The following PAMR1 variants were observed in gnomAD, a reference collection of about 807,000 sequenced individuals.
PAMR1 encodes the protein inactive serine protease PAMR1.
In PAMR1, 88 loss-of-function variants were observed where a neutral mutation model predicts 81.8. The observed-to-expected ratio is 1.08, with a 90% CI of 0.91 to 1.28. The LOEUF (loss-of-function observed/expected upper bound fraction) is 1.28. Ranked by LOEUF, PAMR1 falls within the 50% of genes most tolerant of loss-of-function variation. The probability of loss-of-function intolerance (pLI) is 0.00; values close to 1 mark genes in which losing one functional copy is unlikely to be tolerated. For synonymous variants in PAMR1, 336 were observed against 345.3 expected (o/e 0.97, Z 0.30); for missense variants, 935 against 919.7 (o/e 1.02, Z -0.21).
chr11:35,492,165 T>C lies in PAMR1; in HGVS notation c.259A>G (p.Ile87Val), dbSNP rs1377439982. The C allele has an allele frequency of 6.2e-7, 1 of 1,614,126 alleles. No homozygotes were observed. Among genetic ancestry groups the C allele is most frequent in the South Asian group, 1.1e-5 (1 of 91,076 alleles). Residue 87 changes from isoleucine to valine, a missense_variant, in exon 3 of 11, where the codon ATC becomes GTC. By Grantham distance (29) the Ile-to-Val change is conservative (BLOSUM62 3). Coordinates refer to ENST00000619888, the MANE Select transcript of PAMR1 (RefSeq NM_001001991.3). ...DSCLIHPGCT[I>V]FENCKSCRNG... ...CGGCAGCTCTTGCAGTTTTCAAAGA[T>C]GGTACAACCTGAAACATTCCCAAGA... is the stretch of plus-strand genomic sequence containing the variant.
At chr11:35,521,032 C>G (rs903696146) in intron 1 of PAMR1, among the ~76,000 whole-genome samples, 2 of 152,148 alleles carry the variant, frequency 1.3e-5, no homozygotes, top group Non-Finnish European at 2.9e-5. Flanking sequence ...GAGGGACTTA[C>G]GCGCTCTAGG....
chr11:35,468,134 T>G, intron 5 of PAMR1, 26 bp from the exon 6 acceptor site: 1 of 1,415,184 alleles, frequency 7.1e-7, no homozygotes, highest in Non-Finnish European at 9.8e-7. Context: ...CATCCTTCAG[T>G]GCCACTATAC....
At chr11:35,481,910 A>T (rs775764240) in intron 3 of PAMR1, among the ~76,000 whole-genome samples, 18 of 152,042 alleles carry the variant, frequency 1.2e-4, no homozygotes, top group Non-Finnish European at 1.8e-4. Flanking sequence ...AATTTGTTTA[A>T]CTTCCTTGTA....
chr11:35,432,948 G>C (rs895429357), intron 10 of PAMR1, 56 bp from the exon 11 acceptor site: 2 of 1,455,196 alleles, frequency 1.4e-6, no homozygotes, highest in Non-Finnish European at 1.8e-6. Context: ...CAGTGGATAA[G>C]AACAGACAAG....
At chr11:35,479,780 G>A (rs140357236) in intron 3 of PAMR1, among the ~76,000 whole-genome samples, 7 of 152,336 alleles carry the variant, frequency 4.6e-5, no homozygotes, top group African/African-American at 1.7e-4. Context: ...TCTTGGCTCT[G>A]CCACTTACAA....
chr11:35,444,954 G>A (rs965450065), intron 6 of PAMR1, among the ~76,000 whole-genome samples: 1 of 152,118 alleles, frequency 6.6e-6, no homozygotes, highest in East Asian at 1.9e-4. Context: ...TCACAATATT[G>A]ATTTTTCCTA....
At chr11:35,471,308 G>A (rs1463121306) in intron 4 of PAMR1, among the ~76,000 whole-genome samples, 2 of 152,056 alleles carry the variant, frequency 1.3e-5, no homozygotes, top group Non-Finnish European at 2.9e-5. Flanking sequence ...TTCTCCACTG[G>A]CCTGCAAGTA....
In PAMR1 at chr11:35,502,979, G is replaced by A. The variant is rs147489850; in HGVS notation, c.74-8707C>T. Among the ~76,000 whole-genome samples, 1,000 of 137,132 alleles carry A rather than the reference G, an allele frequency of 7.3e-3. 10 individuals carry two copies. Among genetic ancestry groups the A allele is most frequent in the African/African-American group, 0.026 (944 of 36,466 alleles). 90.0% of individuals were successfully genotyped at this position (137,132 alleles called of 152,430 possible). ...TTTAGTAGCTTCATAGTTTCATGTT[G>A]GATTTAGTTTTTAATTCATTTTGAT... On this transcript the variant is annotated intron_variant, in intron 1 of 10. Coordinates refer to ENST00000619888, the MANE Select transcript of PAMR1 (RefSeq NM_001001991.3).
Position 35,432,946 on chromosome 11 carries a change from A to T in PAMR1, c.1627-54T>A, listed in dbSNP as rs547568043. On this transcript the variant is annotated intron_variant, in intron 10 of 10. Coordinates refer to ENST00000619888, the MANE Select transcript of PAMR1 (RefSeq NM_001001991.3). ...GTGAGGAGCCAGCTCCACAGTGGATAAGAACAGACAAGGCTTGGAGCTAAA... is the reference window on the plus strand; with the variant it reads ...GTGAGGAGCCAGCTCCACAGTGGATTAGAACAGACAAGGCTTGGAGCTAAA... The T allele has an allele frequency of 1.1e-5, 16 of 1,455,862 alleles. No homozygotes were observed. In the African/African-American group the frequency reaches 2.0e-4, roughly 18 times the overall value. 90.2% of individuals were successfully genotyped at this position (1,455,862 alleles called of 1,614,324 possible).
intron 1 of PAMR1, among the ~76,000 whole-genome samples, chr11:35,518,889 G>A (rs868596289): frequency 3.9e-5 from 6 of 152,086 alleles, no homozygotes; most frequent in African/African-American, 7.2e-5. Flanking sequence ...TGTCTCACCC[G>A]AGCTAAAGTT....
At chr11:35,461,759 T>C (rs1197369050) in intron 6 of PAMR1, among the ~76,000 whole-genome samples, 2 of 152,046 alleles carry the variant, frequency 1.3e-5, no homozygotes, top group Non-Finnish European at 2.9e-5. Flanking sequence ...AGGAGGACAT[T>C]ACAGATTCAT....
At chr11:35,434,444 A>T in intron 10 of PAMR1, 68 bp downstream of exon 10, 6 of 1,473,546 alleles carry the variant, frequency 4.1e-6, no homozygotes, top group Non-Finnish European at 5.6e-6. Context: ...TGGTATAATC[A>T]CTGCTCTCCC....
chr11:35,443,945 T>C (rs1565327542), intron 6 of PAMR1, among the ~76,000 whole-genome samples: 1 of 152,386 alleles, frequency 6.6e-6, no homozygotes, highest in South Asian at 2.1e-4. Flanking sequence ...ATTTCTCTAA[T>C]GATCAGTGAT....
intron 5 of PAMR1, among the ~76,000 whole-genome samples, chr11:35,469,642 A>G (rs1348370778): frequency 6.6e-6 from 1 of 152,240 alleles, no homozygotes; most frequent in African/African-American, 2.4e-5. Flanking sequence ...AAAGAGGGGT[A>G]GACCGGGGAG....
intron 6 of PAMR1, among the ~76,000 whole-genome samples, chr11:35,447,168 C>T (rs918382971): frequency 1.4e-5 from 2 of 146,922 alleles, no homozygotes; most frequent in African/African-American, 5.0e-5. Flanking sequence ...CTTTTTTCTG[C>T]TTTCCTATTT....
At chr11:35,486,171 G>A (rs921541714) in intron 3 of PAMR1, among the ~76,000 whole-genome samples, 1 of 152,164 alleles carries the variant, frequency 6.6e-6, no homozygotes, top group South Asian at 2.1e-4. Flanking sequence ...GTGTTCCCTG[G>A]TGACCAGCCC....
rs182485845 is a variant in PAMR1, at chr11:35,496,466, A to G, written c.74-2194T>C. ...AAATGAGCAAATGACTTGAATAGAC[A>G]TTTCTCCAAAGAAGCTATATAAACG... On this transcript the variant is annotated intron_variant, in intron 1 of 10. Coordinates refer to ENST00000619888, the MANE Select transcript of PAMR1 (RefSeq NM_001001991.3). 2.8e-3 allele frequency among the ~76,000 whole-genome samples: 434 copies of G among 152,310 alleles called. 3 individuals carry two copies. The highest frequency in any genetic ancestry group is 9.7e-3 in the African/African-American group (405 of 41,560).
At chr11:35,477,628 T>C (rs1590355369) in intron 3 of PAMR1, among the ~76,000 whole-genome samples, 1 of 152,146 alleles carries the variant, frequency 6.6e-6, no homozygotes. Flanking sequence ...CTGTATACGG[T>C]TTTGTGAAGC....
chr11:35,499,303 C>T (rs1190626935), intron 1 of PAMR1, among the ~76,000 whole-genome samples: 1 of 152,116 alleles, frequency 6.6e-6, no homozygotes, highest in Non-Finnish European at 1.5e-5. Context: ...CCACCCTGTA[C>T]AGATGTATGT....
Sources: allele counts gnomAD v4.1 joint callset (sites outside exome capture counted in the v4.1 genomes callset), GRCh38; gene constraint gnomAD v4.1.1; transcripts MANE v1.5; gene names NCBI Gene and HGNC (gene_info 2026-07-23, HGNC 2026-07-21).